Variants in BICC1 observed in about 807,000 individuals in gnomAD.
BICC1 encodes the protein protein bicaudal C homolog 1.
A neutral mutation model predicts 111.0 loss-of-function variants in BICC1; 43 were observed. That is an observed-to-expected ratio of 0.39 (90% CI 0.30 to 0.50). The LOEUF is 0.50. Among genes scored for constraint, BICC1 ranks in the 20% least tolerant of loss-of-function variants. The probability of loss-of-function intolerance (pLI) is 0.88; values close to 1 mark genes in which losing one functional copy is unlikely to be tolerated. For missense variants in BICC1, 1,091 were observed against 1,203.2 expected (o/e 0.91, Z 1.38); for synonymous variants, 467 against 434.4 (o/e 1.07, Z -0.93).
chr10:58,742,547 C>T (rs181128783), intron 3 of BICC1, among the ~76,000 whole-genome samples: 1 of 150,886 alleles, frequency 6.6e-6, no homozygotes, highest in Admixed American at 6.7e-5. Context: ...AAGCAGCTCT[C>T]CTGCCCCAGC....
chr10:58,571,155 C>T (rs1220411422), intron 1 of BICC1, among the ~76,000 whole-genome samples: 1 of 152,124 alleles, frequency 6.6e-6, no homozygotes, highest in Admixed American at 6.6e-5. Context: ...TTTAGAAAGG[C>T]ATGCTGACCA....
At chr10:58,699,735 C>T (rs1031230242) in intron 2 of BICC1, among the ~76,000 whole-genome samples, 1 of 151,912 alleles carries the variant, frequency 6.6e-6, no homozygotes, top group African/African-American at 2.4e-5. Context: ...CAATCTGTAG[C>T]CCAGGCTGGA....
At chr10:58,783,920 T>G (rs1842943465) in intron 3 of BICC1, among the ~76,000 whole-genome samples, 1 of 152,172 alleles carries the variant, frequency 6.6e-6, no homozygotes, top group Non-Finnish European at 1.5e-5. Flanking sequence ...CTGGGCAACT[T>G]GAAAACCTGA....
At chr10:58,789,647 T>C in intron 7 of BICC1, 35 bp from the exon 8 acceptor site, 1 of 1,610,998 alleles carries the variant, frequency 6.2e-7, no homozygotes, top group Non-Finnish European at 8.5e-7. Flanking sequence ...ACAGTTAATG[T>C]ATAGGATTAT....
intron 3 of BICC1, among the ~76,000 whole-genome samples, chr10:58,782,095 G>C (rs1412394879): frequency 6.6e-6 from 1 of 152,056 alleles, no homozygotes; most frequent in Non-Finnish European, 1.5e-5. Context: ...CTTTCACTTT[G>C]AATGAAAGTG....
At chr10:58,605,962 A>G (rs138677281) in intron 1 of BICC1, among the ~76,000 whole-genome samples, 1 of 152,172 alleles carries the variant, frequency 6.6e-6, no homozygotes, top group Non-Finnish European at 1.5e-5. Flanking sequence ...CTTGGGTTTA[A>G]TATTTTTTAT....
intron 2 of BICC1, among the ~76,000 whole-genome samples, chr10:58,653,784 A>C (rs1588976418): frequency 2.1e-5 from 3 of 142,580 alleles, no homozygotes; most frequent in Non-Finnish European, 3.1e-5. Flanking sequence ...GCACCCACTA[A>C]CTCGTCATCT....
At chr10:58,523,260 T>C in intron 1 of BICC1, among the ~76,000 whole-genome samples, 1 of 152,132 alleles carries the variant, frequency 6.6e-6, no homozygotes, top group Non-Finnish European at 1.5e-5. Flanking sequence ...AAAAAGGGAA[T>C]TTTAGACCAA....
intron 1 of BICC1, among the ~76,000 whole-genome samples, chr10:58,615,133 G>A (rs1206689730): frequency 6.6e-6 from 1 of 151,842 alleles, no homozygotes; most frequent in East Asian, 1.9e-4. Context: ...TTGCCTGGGT[G>A]TTCGCTTTAG....
intron 5 of BICC1, 91 bp from the exon 6 acceptor site, chr10:58,788,279 A>G: frequency 2.1e-6 from 2 of 940,166 alleles, no homozygotes; most frequent in Middle Eastern, 4.8e-4. Context: ...TCCCTGGATG[A>G]CACTTTTAGT....
intron 3 of BICC1, among the ~76,000 whole-genome samples, chr10:58,767,527 G>T (rs984067125): frequency 2.0e-5 from 3 of 151,974 alleles, no homozygotes; most frequent in Non-Finnish European, 1.5e-5. Context: ...ACACACACAC[G>T]CAGAAACCCG....
At chr10:58,824,728 GC>G (rs1844347583) in intron 20 of BICC1, among the ~76,000 whole-genome samples, 1 of 152,104 alleles carries the variant, frequency 6.6e-6, no homozygotes, top group South Asian at 2.1e-4. Context: ...CACTGCTCTA[GC>G]CCCTCAAAGA....
chr10:58,653,048 A>G (rs1002246816), intron 2 of BICC1, among the ~76,000 whole-genome samples: 1 of 152,142 alleles, frequency 6.6e-6, no homozygotes, highest in Non-Finnish European at 1.5e-5. Context: ...CATACAGAAA[A>G]CAAATTAGTA....
intron 2 of BICC1, among the ~76,000 whole-genome samples, chr10:58,684,877 G>C (rs1839663172): frequency 6.6e-6 from 1 of 152,068 alleles, no homozygotes; most frequent in Non-Finnish European, 1.5e-5. Flanking sequence ...ATCTCCTTCA[G>C]TTCTGCTCTG....
chr10:58,717,010 A>C (rs957717645), intron 3 of BICC1, among the ~76,000 whole-genome samples: 4 of 147,130 alleles, frequency 2.7e-5, no homozygotes, highest in African/African-American at 5.5e-5. Flanking sequence ...AAGCTCTGGG[A>C]TTTACCTCCA....
chr10:58,794,194 T>TGTGC (rs1554833578), intron 9 of BICC1, among the ~76,000 whole-genome samples: 3 of 151,430 alleles, frequency 2.0e-5, no homozygotes, highest in East Asian at 1.9e-4. Context: ...TGTGTGTGTG[T>TGTGC]GTGTGTGTGT....
chr10:58,569,711 G>T (rs1843885832), intron 1 of BICC1, among the ~76,000 whole-genome samples: 1 of 152,280 alleles, frequency 6.6e-6, no homozygotes, highest in Non-Finnish European at 1.5e-5. Context: ...TCCCTGCAAA[G>T]GACATGAACT....
chr10:58,566,427 A>C (rs1478023743), intron 1 of BICC1, among the ~76,000 whole-genome samples: 1 of 152,038 alleles, frequency 6.6e-6, no homozygotes. Flanking sequence ...GGCTAGTTTC[A>C]TATTTTTGCA....
At chr10:58,629,864 A>G (rs949552560) in intron 2 of BICC1, among the ~76,000 whole-genome samples, 2 of 152,144 alleles carry the variant, frequency 1.3e-5, no homozygotes, top group African/African-American at 4.8e-5. Flanking sequence ...GGCCAATTCA[A>G]TTCTTTAACC....
Sources: allele counts gnomAD v4.1 joint callset (sites outside exome capture counted in the v4.1 genomes callset), GRCh38; gene constraint gnomAD v4.1.1; transcripts MANE v1.5; gene names NCBI Gene and HGNC (gene_info 2026-07-23, HGNC 2026-07-21).